The following GNAQ variants were observed in gnomAD, a reference collection of about 807,000 sequenced individuals.
The protein encoded by GNAQ is guanine nucleotide-binding protein G(q) subunit alpha.
GNAQ carries 8 observed loss-of-function variants against 43.9 expected under a neutral mutation model. The observed-to-expected ratio is 0.18, with a 90% CI of 0.11 to 0.33. The LOEUF is 0.33. GNAQ is among the 10% of genes least tolerant of loss of function. GNAQ has a pLI of 1.00. For missense variants in GNAQ, 158 were observed against 450.8 expected, an observed-to-expected ratio of 0.35 and a Z score of 5.88; for synonymous variants, 155 against 170.7, an observed-to-expected ratio of 0.91 and a Z score of 0.71.
chr9:77,819,029 A>C lies in GNAQ; in HGVS notation c.322-3259T>G, dbSNP rs11145575. 5.9e-5 allele frequency among the ~76,000 whole-genome samples: 7 copies of C among 119,276 alleles called. No individual in the cohort carries two copies. The East Asian group carries it at 8.0e-4, about 14-fold the overall frequency. The allele number at this position is 119,276 out of a possible 152,430, so 78.2% of individuals were successfully genotyped here. On this transcript the variant is annotated intron_variant, in intron 2 of 6. Transcript: ENST00000286548. ...AAAAAAAAAAAAAAAAAAAAAAAAA[A>C]CACCCAAAAATACCTAGTATGATTT...
intron 1 of GNAQ, among the ~76,000 whole-genome samples, chr9:77,980,650 C>T (rs1006786326): frequency 6.9e-6 from 1 of 145,738 alleles, no homozygotes; most frequent in Non-Finnish European, 1.5e-5. Context: ...CCAAAAGATA[C>T]CACTTTACTA....
chr9:77,791,045 C>G (rs1826562829), intron 5 of GNAQ, among the ~76,000 whole-genome samples: 1 of 152,162 alleles, frequency 6.6e-6, no homozygotes, highest in Non-Finnish European at 1.5e-5. Context: ...CCACCTTGAT[C>G]AAGGAGGGCC....
At chr9:77,898,174 G>A (rs1164067219) in intron 2 of GNAQ, among the ~76,000 whole-genome samples, 1 of 152,098 alleles carries the variant, frequency 6.6e-6, no homozygotes, top group Non-Finnish European at 1.5e-5. Flanking sequence ...TCTACAATCT[G>A]AAGTCATTAT....
intron 1 of GNAQ, among the ~76,000 whole-genome samples, chr9:78,025,649 C>G (rs1823968909): frequency 6.6e-6 from 1 of 152,200 alleles, no homozygotes; most frequent in Non-Finnish European, 1.5e-5. Context: ...CAGATTCCCT[C>G]CACCTTCTGA....
chr9:77,806,255 A>G (rs558073385), intron 3 of GNAQ, among the ~76,000 whole-genome samples: 1 of 152,370 alleles, frequency 6.6e-6, no homozygotes, highest in African/African-American at 2.4e-5. Context: ...TAATTTTGAC[A>G]CAATTCTAAA....
At chr9:77,826,929 T>A (rs1334643579) in intron 2 of GNAQ, among the ~76,000 whole-genome samples, 1 of 152,200 alleles carries the variant, frequency 6.6e-6, no homozygotes, top group East Asian at 1.9e-4. Context: ...GTGTAAGATC[T>A]TTGGGGATCT....
intron 3 of GNAQ, among the ~76,000 whole-genome samples, chr9:77,800,937 C>A (rs987047259): frequency 3.3e-5 from 5 of 152,276 alleles, no homozygotes; most frequent in African/African-American, 9.6e-5. Flanking sequence ...ACTGGCAAGG[C>A]TGCTCAGAAA....
intron 2 of GNAQ, among the ~76,000 whole-genome samples, chr9:77,903,153 G>A (rs1828639573): frequency 6.6e-6 from 1 of 152,070 alleles, no homozygotes; most frequent in African/African-American, 2.4e-5. Flanking sequence ...CAGAATGGCA[G>A]GATCTGTACT....
chr9:77,852,640 C>G (rs1267492782), intron 2 of GNAQ, among the ~76,000 whole-genome samples: 1 of 152,206 alleles, frequency 6.6e-6, no homozygotes, highest in Non-Finnish European at 1.5e-5. Flanking sequence ...CGAAAGCATC[C>G]CTGCTAACTT....
intron 2 of GNAQ, among the ~76,000 whole-genome samples, chr9:77,882,393 C>T (rs1490494294): frequency 1.3e-5 from 2 of 152,158 alleles, no homozygotes; most frequent in Non-Finnish European, 2.9e-5. Flanking sequence ...GGCAGTTTGG[C>T]AAAACCTTTG....
At chr9:77,906,171 C>T (rs1002908557) in intron 2 of GNAQ, among the ~76,000 whole-genome samples, 7 of 152,120 alleles carry the variant, frequency 4.6e-5, no homozygotes, top group South Asian at 2.1e-4. Flanking sequence ...TCCAGAACAA[C>T]CTAAGATAAC....
chr9:77,968,634 T>A (rs1156457652), intron 1 of GNAQ, among the ~76,000 whole-genome samples: 1 of 152,200 alleles, frequency 6.6e-6, no homozygotes, highest in Non-Finnish European at 1.5e-5. Context: ...CATTTCCCAA[T>A]CCACAACACT....
At chr9:77,792,070 AT>A (rs35620826) in intron 5 of GNAQ, among the ~76,000 whole-genome samples, 80,553 of 151,886 alleles carry the variant, frequency 0.53, 24,431 homozygotes, top group Non-Finnish European at 0.68. Context: ...ATTAAAAAAT[AT>A]TTTTTTGACA....
chr9:77,766,812 T>G (rs778234595), intron 5 of GNAQ, among the ~76,000 whole-genome samples: 1 of 152,200 alleles, frequency 6.6e-6, no homozygotes. Context: ...AAAGACTGGT[T>G]CTGAGTGAAT....
intron 1 of GNAQ, among the ~76,000 whole-genome samples, chr9:77,945,472 T>A (rs916749579): frequency 2.1e-4 from 32 of 152,230 alleles, no homozygotes; most frequent in African/African-American, 7.7e-4. Context: ...GGCCCTCCAT[T>A]ATTTTATGCA....
intron 2 of GNAQ, among the ~76,000 whole-genome samples, chr9:77,871,956 C>T (rs1828046448): frequency 6.6e-6 from 1 of 152,114 alleles, no homozygotes; most frequent in Non-Finnish European, 1.5e-5. Context: ...TTGCTATGCC[C>T]TAAATTATTA....
intron 5 of GNAQ, among the ~76,000 whole-genome samples, chr9:77,759,957 G>C (rs1262095323): frequency 1.6e-5 from 2 of 121,338 alleles, no homozygotes; most frequent in African/African-American, 6.3e-5. Flanking sequence ...ACAGGGTTTT[G>C]CTATGTTGCC....
Position 77,716,899 on chromosome 9 carries a change from G to C in GNAQ, c.*4424C>G. 1 of 232,812 alleles carries C rather than the reference G, an allele frequency of 4.3e-6. No individual in the cohort carries two copies. Among genetic ancestry groups the C allele is most frequent in the East Asian group, 6.1e-5 (1 of 16,468 alleles). The allele number at this position is 232,812 out of a possible 1,614,324, so 14.4% of individuals were successfully genotyped here. A position where few individuals can be genotyped will look rare whatever the true frequency, so the allele number is the denominator to read the frequency against. ...TTTGAACATATGATTCTAGAGGCAA[G>C]AGTGTTATTGAAAGGGCAGTGATCA... On this transcript the variant is annotated 3_prime_UTR_variant, in exon 7 of 7. Coordinates refer to ENST00000286548, the MANE Select transcript of GNAQ (RefSeq NM_002072.5).
intron 2 of GNAQ, among the ~76,000 whole-genome samples, chr9:77,835,119 T>C (rs1273502015): frequency 6.6e-6 from 1 of 152,070 alleles, no homozygotes; most frequent in African/African-American, 2.4e-5. Flanking sequence ...ATTCACACCC[T>C]GGGCAGGGTG....
Sources: gnomAD v4.1 joint callset for allele counts (sites outside exome capture counted in the v4.1 genomes callset) on GRCh38, gnomAD v4.1.1 for gene constraint, MANE v1.5 for transcripts, NCBI Gene and HGNC (gene_info 2026-07-23, HGNC 2026-07-21) for gene names.